The following SPHKAP variants were observed in gnomAD, a reference collection of about 807,000 sequenced individuals.
The protein encoded by SPHKAP is A-kinase anchor protein SPHKAP.
A neutral mutation model predicts 137.5 loss-of-function variants in SPHKAP; 67 were observed. That is an observed-to-expected ratio of 0.49 (90% CI 0.40 to 0.60). SPHKAP has a LOEUF of 0.60. SPHKAP is among the 20% of genes least tolerant of loss of function. The pLI is 0.00. For synonymous variants in SPHKAP, 813 were observed against 785.3 expected (o/e 1.04, Z -0.59); for missense variants, 2,097 against 2,069.3 (o/e 1.01, Z -0.26).
At position 227,980,131 on chromosome 2, in the gene SPHKAP, C is replaced by T. The variant is rs1692945400; in HGVS notation, c.*1586G>A. On this transcript the variant is annotated 3_prime_UTR_variant, in exon 12 of 12. Transcript: ENST00000392056. ...TTTAAAAAATAAGTGTATTCTATTC[C>T]ATTTGATAGCACAAAGAAGCACATT... The T allele has an allele frequency of 6.6e-6, 1 of 152,618 alleles. No individual in the cohort carries two copies. The highest frequency in any genetic ancestry group is 1.5e-5 in the Non-Finnish European group (1 of 68,036). The allele number at this position is 152,618 out of a possible 1,614,324, so 9.5% of individuals were successfully genotyped here. A position where few individuals can be genotyped will look rare whatever the true frequency, so the allele number is the denominator to read the frequency against.
chr2:228,004,088 G>A (rs1182671793), intron 7 of SPHKAP, among the ~76,000 whole-genome samples: 1 of 152,156 alleles, frequency 6.6e-6, no homozygotes, highest in Non-Finnish European at 1.5e-5. Flanking sequence ...AATGAGTTAG[G>A]GAGGATGCCC....
At chr2:228,144,521 A>C (rs1046091416) in intron 1 of SPHKAP, among the ~76,000 whole-genome samples, 2 of 152,028 alleles carry the variant, frequency 1.3e-5, no homozygotes, top group African/African-American at 2.4e-5. Context: ...TAATGTAGCT[A>C]TTTGTGATAT....
At chr2:228,151,900 T>C (rs1380835007) in intron 1 of SPHKAP, among the ~76,000 whole-genome samples, 2 of 152,214 alleles carry the variant, frequency 1.3e-5, no homozygotes, top group Non-Finnish European at 2.9e-5. Context: ...AAAATGGCTT[T>C]ATCTTCATTC....
intron 3 of SPHKAP, among the ~76,000 whole-genome samples, chr2:228,101,333 A>G (rs1474575605): frequency 6.6e-6 from 1 of 152,218 alleles, no homozygotes; most frequent in Non-Finnish European, 1.5e-5. Context: ...TTTAACATAC[A>G]TGTACAATTT....
intron 1 of SPHKAP, among the ~76,000 whole-genome samples, chr2:228,165,545 A>T (rs561598520): frequency 6.6e-6 from 1 of 152,342 alleles, no homozygotes; most frequent in Admixed American, 6.5e-5. Flanking sequence ...TTCTTAGAGG[A>T]CTGAGTTTTT....
chr2:228,092,083 A>C (rs770011661), intron 3 of SPHKAP, among the ~76,000 whole-genome samples: 4 of 150,736 alleles, frequency 2.7e-5, no homozygotes, highest in Non-Finnish European at 5.9e-5. Context: ...ATATATGTAT[A>C]TATATGTGTG....
At chr2:228,114,616 C>G (rs1035952544) in intron 2 of SPHKAP, among the ~76,000 whole-genome samples, 1 of 152,080 alleles carries the variant, frequency 6.6e-6, no homozygotes, top group Admixed American at 6.6e-5. Context: ...AAAGGGCTAG[C>G]CTCAACAGAG....
chr2:228,170,010 G>A (rs147056379), intron 1 of SPHKAP, among the ~76,000 whole-genome samples: 68 of 151,996 alleles, frequency 4.5e-4, no homozygotes, highest in African/African-American at 1.5e-3. Context: ...CAACATTAAT[G>A]AGAGTCTGGA....
chr2:228,011,834 TGTG>T (rs1277088324), intron 7 of SPHKAP, among the ~76,000 whole-genome samples: 4 of 152,246 alleles, frequency 2.6e-5, no homozygotes, highest in South Asian at 2.1e-4. Context: ...TATATTTTGT[TGTG>T]GTGAAAATAT....
At chr2:228,063,749 A>C (rs781275396) in intron 3 of SPHKAP, among the ~76,000 whole-genome samples, 1 of 152,216 alleles carries the variant, frequency 6.6e-6, no homozygotes, top group African/African-American at 2.4e-5. Context: ...TTATTCATGC[A>C]TCTGTGGTTG....
chr2:228,152,686 T>C (rs1258300046), intron 1 of SPHKAP, among the ~76,000 whole-genome samples: 2 of 151,592 alleles, frequency 1.3e-5, no homozygotes, highest in South Asian at 2.1e-4. Context: ...TCAAGTTTTA[T>C]TATTTTTTGG....
At chr2:228,150,424 AG>A (rs1408477154) in intron 1 of SPHKAP, among the ~76,000 whole-genome samples, 9 of 152,312 alleles carry the variant, frequency 5.9e-5, no homozygotes, top group African/African-American at 1.9e-4. Context: ...TTCTGTTAGA[AG>A]GTTTTTGATC....
intron 7 of SPHKAP, among the ~76,000 whole-genome samples, chr2:227,998,646 C>G (rs1693725937): frequency 6.6e-6 from 1 of 152,214 alleles, no homozygotes; most frequent in African/African-American, 2.4e-5. Context: ...AAGGTTAGAC[C>G]CTTTCCCGGT....
At chr2:228,076,162 A>C (rs1173433883) in intron 3 of SPHKAP, among the ~76,000 whole-genome samples, 1 of 152,188 alleles carries the variant, frequency 6.6e-6, no homozygotes, top group Non-Finnish European at 1.5e-5. Context: ...TGCCATGATT[A>C]TGAGGCCTCC....
intron 4 of SPHKAP, among the ~76,000 whole-genome samples, chr2:228,026,170 G>A (rs1272390831): frequency 1.3e-5 from 2 of 152,154 alleles, no homozygotes; most frequent in African/African-American, 4.8e-5. Context: ...CCCCAGCCAG[G>A]TGGAACTGTA....
rs1173019440 is a variant in SPHKAP, at chr2:227,980,948, T to A, written c.*769A>T. On this transcript the variant is annotated 3_prime_UTR_variant, in exon 12 of 12. Transcript: ENST00000392056. ...GATTTTATCTGAAAAGACTTTTTTT[T>A]AAATATGAAAGCTTTCTCTTAGGAT... 6.6e-6 allele frequency: 1 copy of A among 152,234 alleles called. No individual in the cohort carries two copies. The highest frequency in any genetic ancestry group is 1.5e-5 in the Non-Finnish European group (1 of 68,036). 9.4% of individuals were successfully genotyped at this position (152,234 alleles called of 1,614,324 possible).
intron 3 of SPHKAP, among the ~76,000 whole-genome samples, chr2:228,075,538 T>C (rs1439105979): frequency 2.0e-5 from 3 of 152,008 alleles, no homozygotes; most frequent in Non-Finnish European, 4.4e-5. Context: ...TACAGTAAAA[T>C]GGGATGGCAA....
At chr2:228,010,124 C>G (rs2396518) in intron 7 of SPHKAP, among the ~76,000 whole-genome samples, 119,627 of 152,136 alleles carry the variant, frequency 0.79, 47,432 homozygotes, top group African/African-American at 0.89. Context: ...AATCCAGATA[C>G]AAAGTGAGGG....
Position 228,181,682 on chromosome 2 carries a change from C to T in SPHKAP, c.-84G>A, listed in dbSNP as rs1700921740. The T allele has an allele frequency of 6.2e-7, 1 of 1,613,206 alleles. No homozygotes were observed. The highest frequency in any genetic ancestry group is 1.7e-5 in the Admixed American group (1 of 59,950). On this transcript the variant is annotated 5_prime_UTR_variant, in exon 1 of 12. Coordinates refer to ENST00000392056, the MANE Select transcript of SPHKAP (RefSeq NM_001142644.2). This position sits in a 1 kb window ranked among gnomAD's most constrained non-coding sequence, Gnocchi z 4.3. ...TGCTAGGACCCAGCTCCCAGAGTGC[C>T]AGACTGGCGCGCGCCAGGAGAGAGG...
Sources: allele counts gnomAD v4.1 joint callset (sites outside exome capture counted in the v4.1 genomes callset), GRCh38; gene constraint gnomAD v4.1.1; non-coding constraint Gnocchi (gnomAD v3.1); transcripts MANE v1.5; gene names NCBI Gene and HGNC (gene_info 2026-07-23, HGNC 2026-07-21).